Variants in SLC6A17 observed in about 807,000 individuals in gnomAD.
The protein encoded by SLC6A17 is sodium-dependent neutral amino acid transporter SLC6A17.
A neutral mutation model predicts 64.5 loss-of-function variants in SLC6A17; 21 were observed. The observed-to-expected ratio is 0.33, with a 90% CI of 0.23 to 0.47. The LOEUF (loss-of-function observed/expected upper bound fraction) is 0.47. SLC6A17 is among the 20% of genes least tolerant of loss of function. The pLI, the probability that SLC6A17 is intolerant of heterozygous loss-of-function variation, is 1.00. For missense variants in SLC6A17, 682 were observed against 963.2 expected (o/e 0.71, Z 3.86); for synonymous variants, 372 against 399.5 (o/e 0.93, Z 0.82).
chr1:110,182,067 G>A lies in SLC6A17; in HGVS notation c.864+5328G>A, dbSNP rs72692323. Among the ~76,000 whole-genome samples, 1,344 of 152,304 alleles carry A rather than the reference G, an allele frequency of 8.8e-3. 9 individuals are homozygous for A. Among genetic ancestry groups the A allele is most frequent in the Non-Finnish European group, 8.9e-3 (602 of 68,016 alleles). On this transcript the variant is annotated intron_variant, in intron 6 of 11. Transcript: ENST00000331565. ...TAGAAAATCTGAGGGAATGAGGACA[G>A]GACAGGGAGACCTGTCAGGAGGTCC...
At position 110,195,762 on chromosome 1, in the gene SLC6A17, G is replaced by T. The variant is rs530826746; in HGVS notation, c.1652+17G>T. 6.2e-7 allele frequency: 1 copy of T among 1,613,944 alleles called. No individual in the cohort carries two copies. The highest frequency in any genetic ancestry group is 1.1e-5 in the South Asian group (1 of 91,062). On this transcript the variant is annotated intron_variant, in intron 10 of 11. Transcript: ENST00000331565. ...AACCAAGAAGTAAGAGGAACATGGGGGAAAGGTGGGATGGGAGGAGGGGTC... is the reference window on the plus strand; with the variant it reads ...AACCAAGAAGTAAGAGGAACATGGGTGAAAGGTGGGATGGGAGGAGGGGTC...
At chr1:110,160,809 G>C (rs1655886115) in intron 1 of SLC6A17, among the ~76,000 whole-genome samples, 1 of 152,162 alleles carries the variant, frequency 6.6e-6, no homozygotes, top group African/African-American at 2.4e-5. Context: ...CAAATGCCTG[G>C]GAAAGGGCCT....
At chr1:110,193,187 T>C (rs534276) in intron 8 of SLC6A17, among the ~76,000 whole-genome samples, 96,582 of 152,014 alleles carry the variant, frequency 0.64, 31,425 homozygotes, top group African/African-American at 0.75. Flanking sequence ...CAAGGTCTCA[T>C]AACTAGTAAG....
chr1:110,167,816 A>G (rs1473917338), intron 2 of SLC6A17, among the ~76,000 whole-genome samples: 1 of 152,184 alleles, frequency 6.6e-6, no homozygotes, highest in Non-Finnish European at 1.5e-5. Flanking sequence ...ACAGACTACA[A>G]TACTGAGGCA....
intron 9 of SLC6A17, chr1:110,195,082 CA>C (rs950183340): frequency 8.7e-6 from 4 of 460,300 alleles, no homozygotes; most frequent in African/African-American, 7.9e-5. Flanking sequence ...TCGTCTTGGG[CA>C]GGGGCACTCA....
At chr1:110,157,639 G>T (rs147815856) in intron 1 of SLC6A17, among the ~76,000 whole-genome samples, 54 of 152,154 alleles carry the variant, frequency 3.5e-4, no homozygotes, top group South Asian at 2.1e-3. Flanking sequence ...TTACTCCTCT[G>T]CTTGAAAACC....
At position 110,174,867 on chromosome 1, in the gene SLC6A17, T is replaced by C. The variant is rs1656330817; in HGVS notation, c.660T>C (p.Ser220=). 1 of 1,613,542 alleles carries C rather than the reference T, an allele frequency of 6.2e-7. No individual in the cohort carries two copies. Among genetic ancestry groups the C allele is most frequent in the Admixed American group, 1.7e-5 (1 of 59,946 alleles). The change falls in exon 5 of 12, where the codon AGT becomes AGC. Residue 220 remains serine, a synonymous_variant. Coordinates refer to ENST00000331565, the MANE Select transcript of SLC6A17 (RefSeq NM_001010898.4). ...ALDISDSISE[S]GGLNWKMTLC... Reference sequence around the variant, plus strand: ...ACATCTCTGACTCCATCTCGGAGAGTGGGGGCCTCAACTGGAAGATGACCC... The same window carrying C: ...ACATCTCTGACTCCATCTCGGAGAGCGGGGGCCTCAACTGGAAGATGACCC...
Position 110,195,670 on chromosome 1 carries a change from A to G in SLC6A17, c.1577A>G (p.Tyr526Cys). ...GNYFVTMFDD[Y>C]SATLPLTLIV... The stretch of plus-strand genomic sequence containing the variant: ...TACTTTGTCACCATGTTCGATGACT[A>G]CTCGGCCACCCTGCCACTCACTCTC... Residue 526 changes from tyrosine to cysteine, a missense_variant, in exon 10 of 12, where the codon TAC becomes TGC. This residue lies in a region of SLC6A17 where 264 missense variants were observed against 339.5 expected (regional missense o/e 0.78). Transcript: ENST00000331565. 1 of 1,613,998 alleles carries G rather than the reference A, an allele frequency of 6.2e-7. No homozygotes were observed. Among genetic ancestry groups the G allele is most frequent in the Non-Finnish European group, 8.5e-7 (1 of 1,180,006 alleles).
At chr1:110,182,200 G>A (rs1656547413) in intron 6 of SLC6A17, among the ~76,000 whole-genome samples, 2 of 152,292 alleles carry the variant, frequency 1.3e-5, no homozygotes, top group South Asian at 4.1e-4. Context: ...AGGGTTTGCT[G>A]TTGGATTGGT....
intron 3 of SLC6A17, among the ~76,000 whole-genome samples, chr1:110,173,182 G>A (rs1241779149): frequency 6.6e-6 from 1 of 152,244 alleles, no homozygotes; most frequent in Non-Finnish European, 1.5e-5. Context: ...CACTCTGTCT[G>A]TGCTCCCAGA....
chr1:110,185,711 A>T (rs968566977), intron 6 of SLC6A17, among the ~76,000 whole-genome samples: 10 of 152,160 alleles, frequency 6.6e-5, no homozygotes, highest in Non-Finnish European at 1.3e-4. Flanking sequence ...GGTTTTCTGA[A>T]TCTGGCCGGG....
intron 2 of SLC6A17, among the ~76,000 whole-genome samples, chr1:110,167,547 G>T (rs567159915): frequency 6.6e-6 from 1 of 152,280 alleles, no homozygotes; most frequent in Non-Finnish European, 1.5e-5. Flanking sequence ...TCATAGGATA[G>T]TTGGGAAGAT....
intron 6 of SLC6A17, among the ~76,000 whole-genome samples, chr1:110,179,845 G>A (rs1243752806): frequency 2.6e-5 from 4 of 151,906 alleles, no homozygotes; most frequent in South Asian, 2.1e-4. Flanking sequence ...GAGCCACTGC[G>A]CCTGGCCTTG....
At chr1:110,162,734 A>T (rs922627426) in intron 1 of SLC6A17, among the ~76,000 whole-genome samples, 1 of 152,196 alleles carries the variant, frequency 6.6e-6, no homozygotes, top group African/African-American at 2.4e-5. Flanking sequence ...AGGGAGGGTT[A>T]TTCCAAGTCA....
At chr1:110,196,434 T>C (rs544470420) in intron 10 of SLC6A17, among the ~76,000 whole-genome samples, 1 of 152,250 alleles carries the variant, frequency 6.6e-6, no homozygotes, top group East Asian at 1.9e-4. Flanking sequence ...TGGGGCTCTT[T>C]CACAGGGGCC....
At chr1:110,183,012 A>ACAC (rs1334023346) in intron 6 of SLC6A17, among the ~76,000 whole-genome samples, 1 of 152,220 alleles carries the variant, frequency 6.6e-6, no homozygotes, top group Non-Finnish European at 1.5e-5. Flanking sequence ...AATCCATCAT[A>ACAC]CACCACTGGT....
At position 110,167,191 on chromosome 1, in the gene SLC6A17, T is replaced by C. The variant is rs1049246665; in HGVS notation, c.262T>C (p.Tyr88His). 3 of 1,612,610 alleles carry C rather than the reference T, an allele frequency of 1.9e-6. No individual in the cohort carries two copies. The highest frequency in any genetic ancestry group is 2.5e-6 in the Non-Finnish European group (3 of 1,178,986). ...VGLGNIWRFP[Y>H]LCQKNGGGAY... ...CCTCGGCAACATCTGGAGGTTCCCC[T>C]ACCTGTGCCAGAAAAATGGAGGAGG... The change falls in exon 2 of 12, where the codon TAC (tyrosine) becomes CAC (histidine). Residue 88 changes from tyrosine (Y) to histidine (H), a missense_variant. Tyr to His is a moderately conservative substitution (Grantham distance 83). Transcript: ENST00000331565.
intron 11 of SLC6A17, 146 bp downstream of exon 11, chr1:110,197,745 A>G: frequency 3.0e-6 from 3 of 985,544 alleles, no homozygotes; most frequent in Non-Finnish European, 2.9e-6. Context: ...ATCTTACAAC[A>G]AGCCAAAGAC....
chr1:110,164,799 C>T lies in SLC6A17; in HGVS notation c.-87-2044C>T, dbSNP rs1047199920. ...CCCAGCCCTTTCTCATCTTGGTGAC[C>T]GAAGCTGCCACTCACTAGGCTATTT... On this transcript the variant is annotated intron_variant, in intron 1 of 11. Transcript: ENST00000331565. 5.3e-5 allele frequency among the ~76,000 whole-genome samples: 8 copies of T among 152,254 alleles called. No individual in the cohort carries two copies. The South Asian group carries it at 8.3e-4, about 16-fold the overall frequency.
Sources: allele counts gnomAD v4.1 joint callset (sites outside exome capture counted in the v4.1 genomes callset), GRCh38; gene constraint gnomAD v4.1.1; regional missense constraint gnomAD v4.1.1; transcripts MANE v1.5; gene names NCBI Gene and HGNC (gene_info 2026-07-23, HGNC 2026-07-21).